The following NRP2 variants were observed in gnomAD, a reference collection of about 807,000 sequenced individuals.
NRP2 encodes neuropilin 2.
In NRP2, 52 loss-of-function variants were observed where a neutral mutation model predicts 110.4. The ratio of observed to expected loss-of-function variants is 0.47; its 90% CI spans 0.38 to 0.59. The LOEUF (loss-of-function observed/expected upper bound fraction) is 0.59, where lower values mean the gene tolerates loss of function less well. Among genes scored for constraint, NRP2 ranks in the 20% least tolerant of loss-of-function variants. The pLI is 0.00. For synonymous variants in NRP2, 508 were observed against 468.9 expected (o/e 1.08, Z -1.08); for missense variants, 1,049 against 1,203.0 (o/e 0.87, Z 1.89).
intron 8 of NRP2, among the ~76,000 whole-genome samples, chr2:205,741,555 A>G (rs1320083201): frequency 6.6e-6 from 1 of 152,180 alleles, no homozygotes; most frequent in African/African-American, 2.4e-5. Context: ...GGGGGTGCAG[A>G]TGGGAGATGA....
intron 14 of NRP2, 73 bp downstream of exon 14, chr2:205,765,643 G>A: frequency 7.7e-7 from 1 of 1,305,156 alleles, no homozygotes; most frequent in Non-Finnish European, 1.1e-6. Flanking sequence ...AGAGGAGGCA[G>A]GACACCATTT....
intron 15 of NRP2, among the ~76,000 whole-genome samples, chr2:205,785,946 AT>A (rs1242186919): frequency 1.3e-5 from 2 of 152,292 alleles, no homozygotes; most frequent in East Asian, 3.9e-4. Flanking sequence ...ATTCCAAAAA[AT>A]ATTTTTTCCA....
chr2:205,722,780 G>A (rs2057047379), intron 4 of NRP2, 72 bp downstream of exon 4: 2 of 1,300,200 alleles, frequency 1.5e-6, no homozygotes, highest in South Asian at 2.4e-5. Flanking sequence ...ATGATAAAGA[G>A]GAAGAACAAA....
Position 205,776,493 on chromosome 2 carries a change from T to G in NRP2, c.2425+9690T>G, listed in dbSNP as rs773364566. ...TGGCGGTGGAGCCCACCCTAACCAT[T>G]AAGCTAGAGCAAGACCGTGGCTCGC... On this transcript the variant is annotated intron_variant, in intron 15 of 16. Transcript: ENST00000357785. 16 of 1,609,674 alleles carry G rather than the reference T, an allele frequency of 9.9e-6. No individual in the cohort carries two copies. The highest frequency in any genetic ancestry group is 1.4e-5 in the Non-Finnish European group (16 of 1,179,982).
chr2:205,757,277 T>A (rs2057749248), intron 12 of NRP2, among the ~76,000 whole-genome samples: 1 of 152,214 alleles, frequency 6.6e-6, no homozygotes, highest in African/African-American at 2.4e-5. Context: ...AATCTTAATG[T>A]TATAAAATAC....
intron 15 of NRP2, among the ~76,000 whole-genome samples, chr2:205,775,440 T>A (rs1559362980): frequency 6.6e-6 from 1 of 152,162 alleles, no homozygotes; most frequent in Non-Finnish European, 1.5e-5. Flanking sequence ...TAAGAATGAT[T>A]TCCCTCCCTC....
At chr2:205,781,649 G>T (rs967043909) in intron 15 of NRP2, among the ~76,000 whole-genome samples, 1 of 152,224 alleles carries the variant, frequency 6.6e-6, no homozygotes, top group Admixed American at 6.5e-5. Context: ...AGATCTGTAG[G>T]TGAAGGCTTG....
Position 205,686,576 on chromosome 2 carries a change from C to G in NRP2, c.73+3213C>G, listed in dbSNP as rs559583844. The stretch of plus-strand genomic sequence containing the variant: ...CCACCGGGTCGCAGGCGTCCAGCGG[C>G]TGGGTGGCGGGCGCCGGTAGCCCTA... On this transcript the variant is annotated intron_variant, in intron 1 of 16. Coordinates refer to ENST00000357785, the MANE Select transcript of NRP2 (RefSeq NM_003872.3). The surrounding 1 kb of genome is among the most constrained non-coding windows in gnomAD (Gnocchi z 4.7). Among the ~76,000 whole-genome samples, 1 of 152,286 alleles carries G rather than the reference C, an allele frequency of 6.6e-6. No homozygotes were observed. The highest frequency in any genetic ancestry group is 1.9e-4 in the East Asian group (1 of 5,170).
intron 12 of NRP2, chr2:205,756,853 G>A (rs1375961300): frequency 6.6e-6 from 1 of 152,194 alleles, no homozygotes; most frequent in Non-Finnish European, 1.5e-5. Context: ...AGTAAAGTAA[G>A]CAAGTAACAT....
intron 15 of NRP2, among the ~76,000 whole-genome samples, chr2:205,772,137 A>G (rs1315039622): frequency 1.3e-5 from 2 of 152,218 alleles, no homozygotes; most frequent in African/African-American, 4.8e-5. Flanking sequence ...CCAGGAGAAA[A>G]TCACTTGTCC....
chr2:205,703,249 T>C (rs1460617246), intron 2 of NRP2, among the ~76,000 whole-genome samples: 1 of 152,228 alleles, frequency 6.6e-6, no homozygotes, highest in African/African-American at 2.4e-5. Context: ...AGGCCAAGAA[T>C]GTCACTAACT....
At chr2:205,741,043 T>C (rs2057431053) in intron 8 of NRP2, among the ~76,000 whole-genome samples, 1 of 152,166 alleles carries the variant, frequency 6.6e-6, no homozygotes, top group Non-Finnish European at 1.5e-5. Flanking sequence ...GGTTTGAATC[T>C]AGGCAGTTCC....
chr2:205,718,120 G>C (rs1055264348), intron 3 of NRP2, among the ~76,000 whole-genome samples: 2 of 152,132 alleles, frequency 1.3e-5, no homozygotes, highest in African/African-American at 4.8e-5. Flanking sequence ...AAGGAAAACA[G>C]CTCCAAGCAA....
chr2:205,700,583 C>G, intron 2 of NRP2: 1 of 383,842 alleles, frequency 2.6e-6, no homozygotes, highest in Non-Finnish European at 5.3e-6. Context: ...TGGGCTGTGG[C>G]CCCTGGGCCC....
intron 12 of NRP2, among the ~76,000 whole-genome samples, chr2:205,760,051 A>G (rs1019367051): frequency 1.3e-5 from 2 of 152,214 alleles, no homozygotes; most frequent in South Asian, 2.1e-4. Context: ...CGTCACTCCA[A>G]TTCTCTGAGC....
At chr2:205,765,380 G>T in intron 13 of NRP2, 94 bp from the exon 14 acceptor site, 1 of 989,308 alleles carries the variant, frequency 1.0e-6, no homozygotes, top group Non-Finnish European at 1.6e-6. Flanking sequence ...ACACACACAC[G>T]CTTTAAGCTG....
intron 1 of NRP2, among the ~76,000 whole-genome samples, chr2:205,685,591 G>A (rs1050151466): frequency 1.3e-5 from 2 of 152,212 alleles, no homozygotes; most frequent in Non-Finnish European, 2.9e-5. Context: ...GCTGGCGCGT[G>A]GCTGGGAGGC....
chr2:205,689,403 A>G (rs1464959857), intron 1 of NRP2, among the ~76,000 whole-genome samples: 2 of 152,238 alleles, frequency 1.3e-5, no homozygotes, highest in African/African-American at 4.8e-5. Flanking sequence ...TATGTAGAAT[A>G]CTGTTTGGCA....
At position 205,725,559 on chromosome 2, in the gene NRP2, G is replaced by A. The variant is rs113703468; in HGVS notation, c.821-354G>A. On this transcript the variant is annotated intron_variant, in intron 5 of 16. Transcript: ENST00000357785. The surrounding 1 kb of genome is among the most constrained non-coding windows in gnomAD (Gnocchi z 4.1). ...CACGATGTATGAGCTCACCCAAATCGCCACGAGTCTATCTCACATTTACCT... is the reference window on the plus strand; with the variant it reads ...CACGATGTATGAGCTCACCCAAATCACCACGAGTCTATCTCACATTTACCT... 7.1e-3 allele frequency among the ~76,000 whole-genome samples: 1,079 copies of A among 152,282 alleles called. 12 individuals are homozygous for A. The highest frequency in any genetic ancestry group is 0.024 in the African/African-American group (989 of 41,556).
Sources: allele counts gnomAD v4.1 joint callset (sites outside exome capture counted in the v4.1 genomes callset), GRCh38; gene constraint gnomAD v4.1.1; non-coding constraint Gnocchi (gnomAD v3.1); transcripts MANE v1.5; gene names NCBI Gene and HGNC (gene_info 2026-07-23, HGNC 2026-07-21).